The following SKAP1 variants were observed in gnomAD, a reference collection of about 807,000 sequenced individuals.
The protein encoded by SKAP1 is src kinase associated phosphoprotein 1, also known as src kinase-associated phosphoprotein 1.
A neutral mutation model predicts 58.5 loss-of-function variants in SKAP1; 44 were observed. The observed-to-expected ratio is 0.75, with a 90% CI of 0.59 to 0.97. SKAP1 has a LOEUF of 0.97. Ranked by LOEUF, SKAP1 falls within the 50% of genes least tolerant of loss-of-function variation. SKAP1 has a pLI of 0.00. For missense variants in SKAP1, 390 were observed against 435.2 expected, an observed-to-expected ratio of 0.90 and a Z score of 0.92; for synonymous variants, 127 against 149.7, an observed-to-expected ratio of 0.85 and a Z score of 1.11.
intron 1 of SKAP1, among the ~76,000 whole-genome samples, chr17:48,419,189 G>A: frequency 6.6e-6 from 1 of 151,990 alleles, no homozygotes. Flanking sequence ...CCATTTAAAA[G>A]TAATGGCAAA....
At chr17:48,343,539 A>C (rs1002877449) in intron 4 of SKAP1, among the ~76,000 whole-genome samples, 1 of 134,430 alleles carries the variant, frequency 7.4e-6, no homozygotes, top group African/African-American at 3.1e-5. Context: ...TGACTATGTC[A>C]CTTTGGGAAT....
chr17:48,165,916 A>C (rs1281475681), intron 10 of SKAP1, among the ~76,000 whole-genome samples: 1 of 152,178 alleles, frequency 6.6e-6, no homozygotes, highest in Non-Finnish European at 1.5e-5. Flanking sequence ...CAGTCTGTCC[A>C]TTTGGAATGA....
intron 4 of SKAP1, among the ~76,000 whole-genome samples, chr17:48,244,194 C>CATGGAG (rs1291436814): frequency 4.6e-5 from 7 of 152,178 alleles, no homozygotes. Flanking sequence ...GGCAGCTTTC[C>CATGGAG]TGGACTATAC....
At chr17:48,140,759 CT>C (rs2063757013) in intron 11 of SKAP1, among the ~76,000 whole-genome samples, 3 of 148,410 alleles carry the variant, frequency 2.0e-5, no homozygotes, top group Non-Finnish European at 3.0e-5. Flanking sequence ...CCTTCTTCTT[CT>C]TTCTTCTTCT....
At chr17:48,316,726 C>T (rs182247317) in intron 4 of SKAP1, among the ~76,000 whole-genome samples, 3 of 152,240 alleles carry the variant, frequency 2.0e-5, no homozygotes, top group Admixed American at 2.0e-4. Flanking sequence ...GGCAGACATT[C>T]CACCTAATGT....
At chr17:48,337,635 A>T (rs2144294189) in intron 4 of SKAP1, among the ~76,000 whole-genome samples, 1 of 152,366 alleles carries the variant, frequency 6.6e-6, no homozygotes, top group South Asian at 2.1e-4. Context: ...CAGGGGCTTA[A>T]TGCACGTTAT....
At chr17:48,166,187 G>C (rs1250478209) in intron 10 of SKAP1, among the ~76,000 whole-genome samples, 1 of 151,948 alleles carries the variant, frequency 6.6e-6, no homozygotes, top group African/African-American at 2.4e-5. Context: ...GCTTTTTCTA[G>C]AGAAAAAAAA....
chr17:48,293,152 T>G lies in SKAP1; in HGVS notation c.280+52753A>C, dbSNP rs943061606. Among the ~76,000 whole-genome samples the G allele has an allele frequency of 7.9e-5, 12 of 152,320 alleles. No homozygotes were observed. The South Asian group carries it at 1.9e-3, about 24-fold the overall frequency. On this transcript the variant is annotated intron_variant, in intron 4 of 12. Coordinates refer to ENST00000336915, the MANE Select transcript of SKAP1 (RefSeq NM_003726.4). Reference sequence around the variant, plus strand: ...ATATCTGTAATCCTTAAGCTGTAATTTTTACAAATATGTTTTCCAAGAGCT... The same window carrying G: ...ATATCTGTAATCCTTAAGCTGTAATGTTTACAAATATGTTTTCCAAGAGCT...
At chr17:48,357,153 G>A (rs2066885581) in intron 3 of SKAP1, among the ~76,000 whole-genome samples, 1 of 152,108 alleles carries the variant, frequency 6.6e-6, no homozygotes, top group Non-Finnish European at 1.5e-5. Context: ...ATAATACATT[G>A]TATAGGGAAT....
intron 11 of SKAP1, among the ~76,000 whole-genome samples, chr17:48,139,660 T>C (rs1455512962): frequency 6.6e-6 from 1 of 152,138 alleles, no homozygotes; most frequent in African/African-American, 2.4e-5. Context: ...CATTATCTGG[T>C]GATCTTTTTA....
chr17:48,397,296 G>A (rs1357482782), intron 1 of SKAP1, among the ~76,000 whole-genome samples: 3 of 152,162 alleles, frequency 2.0e-5, no homozygotes. Context: ...CGTCATCTTG[G>A]CTCACTGCAA....
intron 4 of SKAP1, among the ~76,000 whole-genome samples, chr17:48,291,631 T>C (rs1457169374): frequency 2.0e-5 from 3 of 152,240 alleles, no homozygotes; most frequent in African/African-American, 7.2e-5. Context: ...TCTGGCTCTA[T>C]AGATATAATA....
intron 4 of SKAP1, among the ~76,000 whole-genome samples, chr17:48,217,341 A>G (rs1311518067): frequency 6.6e-6 from 1 of 152,188 alleles, no homozygotes; most frequent in African/African-American, 2.4e-5. Context: ...GGGTTTCTGA[A>G]TAGATTTCCA....
chr17:48,142,271 G>T (rs1296597812), intron 11 of SKAP1, among the ~76,000 whole-genome samples: 1 of 152,144 alleles, frequency 6.6e-6, no homozygotes, highest in East Asian at 1.9e-4. Context: ...ACACCAGCCT[G>T]ACCAACATGG....
intron 4 of SKAP1, among the ~76,000 whole-genome samples, chr17:48,296,068 G>A (rs932008555): frequency 6.6e-6 from 1 of 152,136 alleles, no homozygotes; most frequent in Non-Finnish European, 1.5e-5. Context: ...TAGAGACAGA[G>A]AAAGAAAGAT....
At chr17:48,410,602 A>T (rs1483565274) in intron 1 of SKAP1, among the ~76,000 whole-genome samples, 1 of 152,026 alleles carries the variant, frequency 6.6e-6, no homozygotes, top group Non-Finnish European at 1.5e-5. Context: ...ACACACACAC[A>T]AGCACACAGA....
chr17:48,280,132 A>C, intron 4 of SKAP1, among the ~76,000 whole-genome samples: 1 of 152,204 alleles, frequency 6.6e-6, no homozygotes, highest in East Asian at 1.9e-4. Context: ...CATATTTTGT[A>C]TGTTTGGTTT....
chr17:48,260,432 A>T (rs1271173145), intron 4 of SKAP1, among the ~76,000 whole-genome samples: 1 of 152,200 alleles, frequency 6.6e-6, no homozygotes, highest in Non-Finnish European at 1.5e-5. Flanking sequence ...ACTATAAACA[A>T]ACACTAGAAA....
intron 12 of SKAP1, among the ~76,000 whole-genome samples, chr17:48,135,085 A>G (rs916862296): frequency 1.3e-5 from 2 of 152,340 alleles, no homozygotes; most frequent in East Asian, 1.9e-4. Context: ...GGAAAATCAT[A>G]AAGTCAAACC....
Sources: allele counts gnomAD v4.1 joint callset (sites outside exome capture counted in the v4.1 genomes callset), GRCh38; gene constraint gnomAD v4.1.1; transcripts MANE v1.5; gene names NCBI Gene and HGNC (gene_info 2026-07-23, HGNC 2026-07-21).